Variants in SLCO6A1 observed in about 807,000 individuals in gnomAD.
SLCO6A1 encodes the protein cancer/testis antigen 48.
In SLCO6A1, 65 loss-of-function variants were observed where a neutral mutation model predicts 72.7. The ratio of observed to expected loss-of-function variants is 0.89; its 90% CI spans 0.73 to 1.10. SLCO6A1 has a LOEUF of 1.10. SLCO6A1 is among the 50% of genes least tolerant of loss of function. SLCO6A1 has a pLI of 0.00. For missense variants in SLCO6A1, 874 were observed against 872.6 expected, an observed-to-expected ratio of 1.00 and a Z score of -0.02; for synonymous variants, 314 against 298.2, an observed-to-expected ratio of 1.05 and a Z score of -0.55.
chr5:102,398,876 G>T (rs1747245432), intron 10 of SLCO6A1, among the ~76,000 whole-genome samples: 3 of 151,882 alleles, frequency 2.0e-5, no homozygotes, highest in African/African-American at 7.3e-5. Context: ...TTATGGAATA[G>T]ATCTTATAGT....
intron 12 of SLCO6A1, among the ~76,000 whole-genome samples, chr5:102,382,095 AT>A (rs201194100): frequency 0.025 from 3,800 of 151,372 alleles, 63 homozygotes; most frequent in Non-Finnish European, 0.041. Context: ...CCTATTGTCT[AT>A]TTTTGCTTTT....
intron 8 of SLCO6A1, among the ~76,000 whole-genome samples, chr5:102,414,539 C>A (rs1405705416): frequency 6.6e-6 from 1 of 152,164 alleles, no homozygotes; most frequent in African/African-American, 2.4e-5. Context: ...AGTAAAGTTT[C>A]AGTGTAGAAA....
intron 7 of SLCO6A1, among the ~76,000 whole-genome samples, chr5:102,437,799 T>TAA (rs1749625450): frequency 6.6e-6 from 1 of 152,210 alleles, no homozygotes; most frequent in Non-Finnish European, 1.5e-5. Flanking sequence ...TTCCTATTAA[T>TAA]ATAGTCTCTT....
chr5:102,458,359 T>G (rs10045929), intron 6 of SLCO6A1, 23 bp downstream of exon 6: 89,564 of 1,535,798 alleles, frequency 0.058, 3,042 homozygotes, highest in African/African-American at 0.1. Flanking sequence ...GTTGGATTGT[T>G]CAAGTAAAAT....
At chr5:102,483,464 C>A (rs1050869509) in intron 1 of SLCO6A1, among the ~76,000 whole-genome samples, 1 of 152,218 alleles carries the variant, frequency 6.6e-6, no homozygotes, top group African/African-American at 2.4e-5. Context: ...ATAGCACACA[C>A]TTTTCCTTCA....
intron 7 of SLCO6A1, among the ~76,000 whole-genome samples, chr5:102,425,688 A>G (rs896956330): frequency 1.3e-5 from 2 of 152,210 alleles, no homozygotes; most frequent in Non-Finnish European, 2.9e-5. Flanking sequence ...GAAAATGGCC[A>G]TACTGCCCAA....
chr5:102,462,626 T>G (rs139286033), intron 4 of SLCO6A1, among the ~76,000 whole-genome samples: 132 of 152,150 alleles, frequency 8.7e-4, no homozygotes, highest in African/African-American at 3.0e-3. Context: ...AACAAAAATT[T>G]TAATCGGGGA....
intron 7 of SLCO6A1, among the ~76,000 whole-genome samples, chr5:102,438,077 T>C (rs1001265547): frequency 6.6e-6 from 1 of 152,072 alleles, no homozygotes; most frequent in African/African-American, 2.4e-5. Flanking sequence ...TTTTCATTAC[T>C]ACGCTGGTTG....
At chr5:102,429,569 C>T (rs186086000) in intron 7 of SLCO6A1, among the ~76,000 whole-genome samples, 1 of 152,158 alleles carries the variant, frequency 6.6e-6, no homozygotes, top group Non-Finnish European at 1.5e-5. Context: ...GAATCCTTTC[C>T]TCATTGCTTG....
chr5:102,419,871 C>G lies in SLCO6A1; in HGVS notation c.1427G>C (p.Arg476Pro). 1 of 1,607,406 alleles carries G rather than the reference C, an allele frequency of 6.2e-7. No individual in the cohort carries two copies. Among genetic ancestry groups the G allele is most frequent in the Non-Finnish European group, 8.5e-7 (1 of 1,178,052 alleles). ...CCCAGCAAATTGCACTGGATTACAG[C>G]GTACAAAAATAATAAACACAAGCAG... is the stretch of plus-strand genomic sequence containing the variant. ...LILLVFIIFVRCNPVQFAGIN... is the reference protein window; with the variant it reads ...LILLVFIIFVPCNPVQFAGIN... The change falls in exon 8 of 14, where the codon CGC becomes CCC. Residue 476 changes from arginine to proline, a missense_variant. Arg to Pro is a moderately radical substitution (Grantham distance 103). Coordinates refer to ENST00000506729, the MANE Select transcript of SLCO6A1 (RefSeq NM_173488.5).
At chr5:102,491,203 T>C (rs1752661204) in intron 1 of SLCO6A1, among the ~76,000 whole-genome samples, 1 of 152,186 alleles carries the variant, frequency 6.6e-6, no homozygotes, top group Non-Finnish European at 1.5e-5. Flanking sequence ...AGACCCAGGG[T>C]GCTGATTGGT....
At chr5:102,412,405 T>C (rs1366293234) in intron 9 of SLCO6A1, among the ~76,000 whole-genome samples, 1 of 152,156 alleles carries the variant, frequency 6.6e-6, no homozygotes, top group East Asian at 1.9e-4. Context: ...GACATTTTAA[T>C]GTAGGAATAT....
intron 12 of SLCO6A1, among the ~76,000 whole-genome samples, chr5:102,375,422 G>A (rs563332261): frequency 5.2e-4 from 79 of 152,134 alleles, no homozygotes; most frequent in African/African-American, 1.9e-3. Flanking sequence ...AACAGAAGAA[G>A]GAAAATGTCT....
At chr5:102,476,607 C>T (rs1197747628) in intron 3 of SLCO6A1, among the ~76,000 whole-genome samples, 1 of 152,046 alleles carries the variant, frequency 6.6e-6, no homozygotes, top group Non-Finnish European at 1.5e-5. Context: ...ATAAAACTAA[C>T]CATCATACAT....
At chr5:102,474,056 A>G (rs960768776) in intron 4 of SLCO6A1, among the ~76,000 whole-genome samples, 7 of 151,952 alleles carry the variant, frequency 4.6e-5, no homozygotes, top group Non-Finnish European at 7.4e-5. Flanking sequence ...CAAAATTCCA[A>G]TGGCGTTTTT....
chr5:102,477,079 G>A (rs1751937881), intron 3 of SLCO6A1, among the ~76,000 whole-genome samples: 1 of 152,118 alleles, frequency 6.6e-6, no homozygotes, highest in Non-Finnish European at 1.5e-5. Context: ...ATTTATAAAT[G>A]TACATACATA....
At chr5:102,427,997 T>C (rs1749008572) in intron 7 of SLCO6A1, among the ~76,000 whole-genome samples, 2 of 150,376 alleles carry the variant, frequency 1.3e-5, no homozygotes, top group Admixed American at 6.7e-5. Context: ...GCCTCCCAAG[T>C]AGCTGGGATT....
At chr5:102,384,805 T>G (rs571631600) in intron 12 of SLCO6A1, among the ~76,000 whole-genome samples, 1 of 152,140 alleles carries the variant, frequency 6.6e-6, no homozygotes, top group East Asian at 1.9e-4. Flanking sequence ...CTTTTACCAC[T>G]GAGTTTTATA....
At chr5:102,455,708 T>C (rs1750672863) in intron 6 of SLCO6A1, among the ~76,000 whole-genome samples, 1 of 152,102 alleles carries the variant, frequency 6.6e-6, no homozygotes, top group Admixed American at 6.6e-5. Flanking sequence ...CACGAAATAA[T>C]ATAAAACTAA....
Sources: gnomAD v4.1 joint callset for allele counts (sites outside exome capture counted in the v4.1 genomes callset) on GRCh38, gnomAD v4.1.1 for gene constraint, MANE v1.5 for transcripts, NCBI Gene and HGNC (gene_info 2026-07-23, HGNC 2026-07-21) for gene names.